The following CEP131 variants were observed in gnomAD, a reference collection of about 807,000 sequenced individuals.
The protein encoded by CEP131 is centrosomal protein of 131 kDa.
Under a neutral mutation model 136.8 loss-of-function variants are expected in CEP131, and 99 were observed. The ratio of observed to expected loss-of-function variants is 0.72; its 90% CI spans 0.62 to 0.86. The LOEUF is 0.86. CEP131 is among the 40% of genes least tolerant of loss of function. The probability of loss-of-function intolerance (pLI) is 0.00; values close to 1 mark genes in which losing one functional copy is unlikely to be tolerated. For missense variants in CEP131, 1,459 were observed against 1,463.0 expected, an observed-to-expected ratio of 1.00 and a Z score of 0.04; for synonymous variants, 646 against 612.7, an observed-to-expected ratio of 1.05 and a Z score of -0.80.
chr17:81,192,600 C>T lies in CEP131; in HGVS notation c.2430-7G>A. On this transcript the variant is annotated splice_polypyrimidine_tract_variant and splice_region_variant and intron_variant, in intron 19 of 25. Coordinates refer to ENST00000450824, the MANE Select transcript of CEP131 (RefSeq NM_014984.4). ...TTCCAGCTCCGCCCGCTGCCTGCGG[C>T]CAGGGAGGAGTCAGCAGGTGAGGGG... 1 of 1,601,130 alleles carries T rather than the reference C, an allele frequency of 6.2e-7. No homozygotes were observed. Among genetic ancestry groups the T allele is most frequent in the Non-Finnish European group, 8.5e-7 (1 of 1,177,928 alleles).
chr17:81,196,690 G>T lies in CEP131; in HGVS notation c.1899+11C>A. Reference sequence around the variant, plus strand: ...CTGGGTCCGGGCCTCTGCGCTCCCCGGGCCGCTCACCTGGTCAATGAAGGC... The same window carrying T: ...CTGGGTCCGGGCCTCTGCGCTCCCCTGGCCGCTCACCTGGTCAATGAAGGC... On this transcript the variant is annotated intron_variant, in intron 15 of 25. Coordinates refer to ENST00000450824, the MANE Select transcript of CEP131 (RefSeq NM_014984.4). 1 of 1,600,008 alleles carries T rather than the reference G, an allele frequency of 6.2e-7. No homozygotes were observed.
Position 81,208,346 on chromosome 17 carries a change from G to A in CEP131, c.272+582C>T, listed in dbSNP as rs1305627702. Among the ~76,000 whole-genome samples, 5 of 152,160 alleles carry A rather than the reference G, an allele frequency of 3.3e-5. No individual in the cohort carries two copies. The highest frequency in any genetic ancestry group is 6.5e-5 in the Admixed American group (1 of 15,282). On this transcript the variant is annotated intron_variant, in intron 3 of 25. Coordinates refer to ENST00000450824, the MANE Select transcript of CEP131 (RefSeq NM_014984.4). The surrounding 1 kb of genome is among the most constrained non-coding windows in gnomAD (Gnocchi z 5.6). ...CCCCACAGGAGCACCCTGCTCGCTCGGGGACAATGCCTGGTGGGAGGTGGT... is the reference window on the plus strand; with the variant it reads ...CCCCACAGGAGCACCCTGCTCGCTCAGGGACAATGCCTGGTGGGAGGTGGT...
chr17:81,204,758 A>G (rs929170381), intron 5 of CEP131, among the ~76,000 whole-genome samples: 1 of 149,030 alleles, frequency 6.7e-6, no homozygotes, highest in Non-Finnish European at 1.5e-5. Flanking sequence ...GCACCGGACC[A>G]CACCTGCACC....
chr17:81,197,246 G>C (rs146343335), intron 13 of CEP131, 191 bp from the exon 14 acceptor site: 604 of 684,692 alleles, frequency 8.8e-4, no homozygotes, highest in Non-Finnish European at 1.3e-3. Context: ...ACAGGAAATG[G>C]GGGCCGTGGC....
chr17:81,193,585 G>A (rs1372984666), intron 18 of CEP131, among the ~76,000 whole-genome samples: 1 of 152,186 alleles, frequency 6.6e-6, no homozygotes, highest in East Asian at 1.9e-4. Context: ...AGCTGGAGGG[G>A]CCTCGAGGCC....
chr17:81,202,515 G>A (rs1279524698), intron 6 of CEP131, 117 bp from the exon 7 acceptor site: 1 of 1,290,844 alleles, frequency 7.7e-7, no homozygotes, highest in Admixed American at 2.3e-5. Context: ...GGTGCTGGCA[G>A]GCTGGCAGCC....
intron 7 of CEP131, among the ~76,000 whole-genome samples, chr17:81,201,259 G>A (rs534263707): frequency 1.4e-4 from 22 of 152,258 alleles, no homozygotes; most frequent in South Asian, 1.2e-3. Context: ...GCCACCCACC[G>A]CGTCTACAGG....
chr17:81,198,026 C>T (rs2061803916), intron 12 of CEP131, 89 bp downstream of exon 12: 1 of 1,482,162 alleles, frequency 6.7e-7, no homozygotes, highest in Non-Finnish European at 9.0e-7. Flanking sequence ...TGTGGCATCC[C>T]CATTTTCCCA....
At position 81,215,395 on chromosome 17, in the gene CEP131, C is replaced by A. The variant is rs1167095287; in HGVS notation, c.177+4485G>T. 6.6e-6 allele frequency among the ~76,000 whole-genome samples: 1 copy of A among 152,082 alleles called. No homozygotes were observed. Among genetic ancestry groups the A allele is most frequent in the Non-Finnish European group, 1.5e-5 (1 of 68,022 alleles). ...TACAGATATTGGCCACCACTCCCGG[C>A]CCCCTTTCAAATTTTTTTATTTATT... On this transcript the variant is annotated intron_variant, in intron 2 of 25. Transcript: ENST00000450824. This position sits in a 1 kb window ranked among gnomAD's most constrained non-coding sequence, Gnocchi z 4.1.
At position 81,192,342 on chromosome 17, in the gene CEP131, C is replaced by A; in HGVS notation, c.2598G>T (p.Trp866Cys). Reference sequence around the variant, plus strand: ...CCTCCTTCCTGGTGCGGCCGGCCTCCCACGCCTGCCTCTCCAGCTCCAGCT... The same window carrying A: ...CCTCCTTCCTGGTGCGGCCGGCCTCACACGCCTGCCTCTCCAGCTCCAGCT... The part of the protein sequence containing the change: ...KQQLELERQA[W>C]EAGRTRKEEA... Residue 866 changes from tryptophan to cysteine, a missense_variant, in exon 21 of 26, where the codon TGG becomes TGT. By Grantham distance (215) the Trp-to-Cys change is radical. This residue lies in a region of CEP131 where 1,026 missense variants were observed against 964.2 expected (regional missense o/e 1.06). Transcript: ENST00000450824. 6.4e-7 allele frequency: 1 copy of A among 1,573,104 alleles called. No individual in the cohort carries two copies. Among genetic ancestry groups the A allele is most frequent in the East Asian group, 2.3e-5 (1 of 42,586 alleles).
intron 1 of CEP131, among the ~76,000 whole-genome samples, chr17:81,221,016 T>G (rs1192792702): frequency 6.6e-6 from 1 of 150,664 alleles, no homozygotes; most frequent in Non-Finnish European, 1.5e-5. Flanking sequence ...TCCCAACTAC[T>G]TGGGAGGCTG....
In CEP131 at chr17:81,191,030, C is replaced by T. The variant is rs140597145; in HGVS notation, c.2820G>A (p.Ser940=). ...YEAELSELEQ[S]ERKLQERCSE... ...AGCACCGCTCCTGAAGCTTCCGCTC[C>T]GACTGCTCCAGCTCGGAGAGCTCGG... The change falls in exon 23 of 26, where the codon TCG becomes TCA. Residue 940 remains serine, a synonymous_variant. Transcript: ENST00000450824. 50 of 1,610,848 alleles carry T rather than the reference C, an allele frequency of 3.1e-5. No individual in the cohort carries two copies. In the African/African-American group the frequency reaches 4.9e-4, roughly 16 times the overall value.
At chr17:81,202,210 G>GCC (rs749579828) in intron 7 of CEP131, 30 bp downstream of exon 7, 13 of 1,440,822 alleles carry the variant, frequency 9.0e-6, no homozygotes, top group South Asian at 1.3e-5. Flanking sequence ...CTAGGCTCAG[G>GCC]CCCCCCCCCA....
chr17:81,197,047 C>G lies in CEP131; in HGVS notation c.1656G>C (p.Val552=). Residue 552 remains valine (V), a synonymous_variant, in exon 14 of 26, where the codon GTG becomes GTC. Coordinates refer to ENST00000450824, the MANE Select transcript of CEP131 (RefSeq NM_014984.4). ...DQLDSQQEGW[V]PEAGPGPLEL... ...CCAGGGGCCCCGGCCCCGCCTCCGG[C>G]ACCCACCCCTGCAGACACAGCCGAG... 2 of 1,587,090 alleles carry G rather than the reference C, an allele frequency of 1.3e-6. No individual in the cohort carries two copies. The highest frequency in any genetic ancestry group is 2.3e-5 in the South Asian group (2 of 87,628).
Position 81,199,738 on chromosome 17 carries a change from G to T in CEP131, c.1004C>A (p.Ala335Asp). 6.2e-7 allele frequency: 1 copy of T among 1,610,064 alleles called. No homozygotes were observed. Residue 335 changes from alanine (A) to aspartate (D), a missense_variant, in exon 9 of 26, where the codon GCC (alanine) becomes GAC (aspartate). By Grantham distance (126) the Ala-to-Asp change is moderately radical (BLOSUM62 -2). Transcript: ENST00000450824. ...CAGCACCTGAATGGCTGCTCGCCTGGCTTGGCGTGCCTTCTCCTCCCGGGC... is the reference window on the plus strand; with the variant it reads ...CAGCACCTGAATGGCTGCTCGCCTGTCTTGGCGTGCCTTCTCCTCCCGGGC... ...RKAREEKARQ[A>D]RRAAIQELQQ...
In CEP131 at chr17:81,219,761, C is replaced by T. The variant is rs2062342862; in HGVS notation, c.177+119G>A. The T allele has an allele frequency of 1.8e-6, 2 of 1,101,578 alleles. No individual in the cohort carries two copies. The highest frequency in any genetic ancestry group is 2.1e-5 in the South Asian group (1 of 47,184). The allele number at this position is 1,101,578 out of a possible 1,614,324, so 68.2% of individuals were successfully genotyped here. Reference sequence around the variant, plus strand: ...GCCTCCTGGAACAGCCACGAGGATCCAGCATGTCCAGATGTGAGGCACTTG... The same window carrying T: ...GCCTCCTGGAACAGCCACGAGGATCTAGCATGTCCAGATGTGAGGCACTTG... On this transcript the variant is annotated intron_variant, in intron 2 of 25. Transcript: ENST00000450824. This position sits in a 1 kb window ranked among gnomAD's most constrained non-coding sequence, Gnocchi z 4.0.
At chr17:81,200,247 C>T in intron 8 of CEP131, 82 bp downstream of exon 8, 1 of 1,092,014 alleles carries the variant, frequency 9.2e-7, no homozygotes, top group Non-Finnish European at 1.3e-6. Context: ...TTTGATTCCA[C>T]CTGTCCCAGA....
chr17:81,196,817 G>C lies in CEP131; in HGVS notation c.1783C>G (p.Arg595Gly). Residue 595 changes from arginine to glycine, a missense_variant, in exon 15 of 26, where the codon CGA becomes GGA. Coordinates refer to ENST00000450824, the MANE Select transcript of CEP131 (RefSeq NM_014984.4). ...TTGACCCGCCGGGCCGTGAGGTCTC[G>C]CTGCTGCGCCTGCAGGGTGTGGGCA... ...LLLQRALAQQRDLTARRVKET... is the reference protein window; with the variant it reads ...LLLQRALAQQGDLTARRVKET... 4 of 1,593,418 alleles carry C rather than the reference G, an allele frequency of 2.5e-6. No homozygotes were observed. The highest frequency in any genetic ancestry group is 3.4e-6 in the Non-Finnish European group (4 of 1,171,418).
chr17:81,211,279 G>A (rs1341003844), intron 2 of CEP131, among the ~76,000 whole-genome samples: 1 of 152,228 alleles, frequency 6.6e-6, no homozygotes, highest in Non-Finnish European at 1.5e-5. Context: ...TGTTCGGGAG[G>A]TCAGAAGGCA....
Sources: gnomAD v4.1 joint callset for allele counts (sites outside exome capture counted in the v4.1 genomes callset) on GRCh38, gnomAD v4.1.1 for gene constraint, gnomAD v4.1.1 regional missense constraint, Gnocchi (gnomAD v3.1) non-coding constraint, MANE v1.5 for transcripts, NCBI Gene and HGNC (gene_info 2026-07-23, HGNC 2026-07-21) for gene names.